The following ZNF778 variants were observed in gnomAD, a reference collection of about 807,000 sequenced individuals.
ZNF778 encodes zinc finger protein 778.
A neutral mutation model predicts 23.9 loss-of-function variants in ZNF778; 37 were observed. That is an observed-to-expected ratio of 1.54 (90% CI 1.19 to 2.03). The LOEUF is 2.03. ZNF778 is among the 30% of genes most tolerant of loss of function. The pLI is 0.00. For missense variants in ZNF778, 1,297 were observed against 934.4 expected, an observed-to-expected ratio of 1.39 and a Z score of -5.06; for synonymous variants, 483 against 343.9, an observed-to-expected ratio of 1.40 and a Z score of -4.48.
chr16:89,225,618 A>G lies in ZNF778; in HGVS notation c.392A>G (p.Asn131Ser), dbSNP rs1477910919. ...RQDRSWFRASNETQTARSHNG... is the reference protein window; with the variant it reads ...RQDRSWFRASSETQTARSHNG... ...GATAGATCTTGGTTCAGAGCATCAA[A>G]TGAGACACAGACGGTAAGATTAACA... The change falls in exon 6 of 7, where the codon AAT (asparagine) becomes AGT (serine). Residue 131 changes from asparagine (N) to serine (S), a missense_variant. Physicochemically the swap from Asn to Ser is conservative, Grantham distance 46. Coordinates refer to ENST00000433976, the MANE Select transcript of ZNF778 (RefSeq NM_001201407.2). The G allele has an allele frequency of 6.2e-7, 1 of 1,612,914 alleles. No homozygotes were observed. Among genetic ancestry groups the G allele is most frequent in the East Asian group, 2.2e-5 (1 of 44,856 alleles).
rs769402717 is a variant in ZNF778, at chr16:89,230,236, G to A, written c.*1674G>A. 2.0e-5 allele frequency: 5 copies of A among 250,266 alleles called. No homozygotes were observed. The highest frequency in any genetic ancestry group is 1.3e-4 in the Admixed American group (2 of 15,432). 15.5% of individuals were successfully genotyped at this position (250,266 alleles called of 1,614,324 possible). On this transcript the variant is annotated 3_prime_UTR_variant, in exon 7 of 7. Coordinates refer to ENST00000433976, the MANE Select transcript of ZNF778 (RefSeq NM_001201407.2). ...AAGGAGGGGCAGAGTGGAGAGGGGC[G>A]AGGTCTGTACCCTGAGATGCCCCCG...
In ZNF778 at chr16:89,236,542, C is replaced by T. The variant is rs1323121216; in HGVS notation, c.*7980C>T. 1.3e-5 allele frequency: 2 copies of T among 152,026 alleles called. No homozygotes were observed. The highest frequency in any genetic ancestry group is 6.5e-5 in the Admixed American group (1 of 15,270). The allele number at this position is 152,026 out of a possible 1,614,324, so 9.4% of individuals were successfully genotyped here. A position where few individuals can be genotyped will look rare whatever the true frequency, so the allele number is the denominator to read the frequency against. On this transcript the variant is annotated 3_prime_UTR_variant, in exon 7 of 7. Coordinates refer to ENST00000433976, the MANE Select transcript of ZNF778 (RefSeq NM_001201407.2). ...AGGAAAAGCAATAGAAGAGTAAATA[C>T]CTGAGTAAATAGATCAGATCATTCT...
intron 4 of ZNF778, 43 bp from the exon 5 acceptor site, chr16:89,224,676 C>G: frequency 7.0e-7 from 1 of 1,434,082 alleles, no homozygotes; most frequent in East Asian, 2.5e-5. Flanking sequence ...TTGTCATCCC[C>G]TGCCTGAGCC....
intron 3 of ZNF778, 82 bp from the exon 4 acceptor site, chr16:89,223,075 G>C: frequency 6.6e-7 from 1 of 1,522,116 alleles, no homozygotes; most frequent in South Asian, 1.3e-5. Flanking sequence ...AGTCCCATAG[G>C]CGTAGGGCCC....
rs1312585238 is a variant in ZNF778, at chr16:89,226,977, G to A, written c.689G>A (p.Cys230Tyr). Residue 230 changes from cysteine (C) to tyrosine (Y), a missense_variant, in exon 7 of 7, where the codon TGT becomes TAT. Physicochemically the swap from Cys to Tyr is radical, Grantham distance 194. Transcript: ENST00000433976. Reference sequence around the variant, plus strand: ...GACAGATCTCTTGACTACAGCAGCTGTGGGGAAGTGTTCCTTAATCAGTCA... The same window carrying A: ...GACAGATCTCTTGACTACAGCAGCTATGGGGAAGTGTTCCTTAATCAGTCA... ...TRDRSLDYSS[C>Y]GEVFLNQSYL... 3 of 1,613,936 alleles carry A rather than the reference G, an allele frequency of 1.9e-6. No individual in the cohort carries two copies. The highest frequency in any genetic ancestry group is 1.6e-4 in the Middle Eastern group (1 of 6,084).
At position 89,225,823 on chromosome 16, in the gene ZNF778, A is replaced by G. The variant is rs143799120; in HGVS notation, c.405+192A>G. On this transcript the variant is annotated intron_variant, in intron 6 of 6. Coordinates refer to ENST00000433976, the MANE Select transcript of ZNF778 (RefSeq NM_001201407.2). The stretch of plus-strand genomic sequence containing the variant: ...CCTGTCTTGAAACTTGGTGCTTCAG[A>G]CACACATCAGCGCACACATGACGAG... Among the ~76,000 whole-genome samples, 174 of 152,310 alleles carry G rather than the reference A, an allele frequency of 1.1e-3. 1 individual carries two copies. The highest frequency in any genetic ancestry group is 4.0e-3 in the African/African-American group (166 of 41,568).
chr16:89,223,343 G>A (rs1421721106), intron 4 of ZNF778, 60 bp downstream of exon 4: 2 of 1,601,258 alleles, frequency 1.2e-6, no homozygotes, highest in Non-Finnish European at 8.5e-7. Context: ...TGTCCTTACT[G>A]TGTTCCAGGG....
At position 89,226,957 on chromosome 16, in the gene ZNF778, A is replaced by G. The variant is rs2031528072; in HGVS notation, c.669A>G (p.Arg223=). Residue 223 remains arginine, a synonymous_variant, in exon 7 of 7, where the codon AGA becomes AGG. Transcript: ENST00000433976. The part of the protein sequence containing the change: ...VVSQQACTRD[R]SLDYSSCGEV... ...CCCAGCAAGCATGCACTCGGGACAG[A>G]TCTCTTGACTACAGCAGCTGTGGGG... The G allele has an allele frequency of 3.7e-6, 6 of 1,613,868 alleles. No individual in the cohort carries two copies. Among genetic ancestry groups the G allele is most frequent in the Non-Finnish European group, 5.1e-6 (6 of 1,179,910 alleles).
Position 89,222,756 on chromosome 16 carries a change from C to G in ZNF778, c.118-401C>G, listed in dbSNP as rs1037670101. ...ACATGGTAAGGAAGGGGAAGGTATC[C>G]TCTCTGGGAACTTATTTCCACATCA... On this transcript the variant is annotated intron_variant, in intron 3 of 6. Coordinates refer to ENST00000433976, the MANE Select transcript of ZNF778 (RefSeq NM_001201407.2). Among the ~76,000 whole-genome samples, 6 of 152,376 alleles carry G rather than the reference C, an allele frequency of 3.9e-5. No individual in the cohort carries two copies. The South Asian group carries it at 1.2e-3, about 32-fold the overall frequency.
intron 1 of ZNF778, among the ~76,000 whole-genome samples, chr16:89,219,666 CTG>C (rs1467916935): frequency 6.6e-6 from 1 of 152,264 alleles, no homozygotes; most frequent in African/African-American, 2.4e-5. Context: ...ACCATGGACG[CTG>C]TGTCAGTGGG....
At chr16:89,225,693 A>C (rs766475159) in intron 6 of ZNF778, 62 bp downstream of exon 6, 294 of 1,448,426 alleles carry the variant, frequency 2.0e-4, no homozygotes, top group Non-Finnish European at 2.6e-4. Flanking sequence ...GAATTCCACT[A>C]TAGAAAATGA....
rs1353360331 is a variant in ZNF778 at position 89,228,719 on chromosome 16, A to G, written c.*157A>G. On this transcript the variant is annotated 3_prime_UTR_variant, in exon 7 of 7. Transcript: ENST00000433976. ...AGGAACTCACCCTGGAGCCCTATGC[A>G]GCAGACACAGAGAAAGCCCTCAGTG... The G allele has an allele frequency of 7.0e-7, 1 of 1,434,622 alleles. No individual in the cohort carries two copies. The highest frequency in any genetic ancestry group is 1.4e-5 in the African/African-American group (1 of 69,688). 88.9% of individuals were successfully genotyped at this position (1,434,622 alleles called of 1,614,324 possible).
In ZNF778 at chr16:89,222,128, A is replaced by G; in HGVS notation, c.62A>G (p.Glu21Gly). Residue 21 changes from glutamate (E) to glycine (G), a missense_variant, in exon 3 of 7, where the codon GAA becomes GGA. Glu to Gly is a moderately conservative substitution (Grantham distance 98). Transcript: ENST00000433976. Reference sequence around the variant, plus strand: ...TCTAGGGACTCAGTCTGCCTTCATGAAGAACAGACACAGGCAGCAGGGATG... The same window carrying G: ...TCTAGGGACTCAGTCTGCCTTCATGGAGAACAGACACAGGCAGCAGGGATG... ...HVSRDSVCLH[E>G]EQTQAAGMVA... The G allele has an allele frequency of 1.2e-6, 2 of 1,605,946 alleles. No homozygotes were observed. The highest frequency in any genetic ancestry group is 1.7e-6 in the Non-Finnish European group (2 of 1,174,898).
rs1389459003 is a variant in ZNF778, at chr16:89,230,724, G to A, written c.*2162G>A. 1 of 152,284 alleles carries A rather than the reference G, an allele frequency of 6.6e-6. No individual in the cohort carries two copies. The highest frequency in any genetic ancestry group is 1.5e-5 in the Non-Finnish European group (1 of 68,108). 9.4% of individuals were successfully genotyped at this position (152,284 alleles called of 1,614,324 possible). Reference sequence around the variant, plus strand: ...GCAGCAATCCTGGGTTATGTTTTTTGTGGCCATCAGGGCAGCAGCTGCTTG... The same window carrying A: ...GCAGCAATCCTGGGTTATGTTTTTTATGGCCATCAGGGCAGCAGCTGCTTG... On this transcript the variant is annotated 3_prime_UTR_variant, in exon 7 of 7. Coordinates refer to ENST00000433976, the MANE Select transcript of ZNF778 (RefSeq NM_001201407.2).
At position 89,226,796 on chromosome 16, in the gene ZNF778, G is replaced by C. The variant is rs769392753; in HGVS notation, c.508G>C (p.Gly170Arg). ...CACACACGTGAGAACTCAAAATACA[G>C]GAGACAGTTGTGTGTCTAATCATTA... is the stretch of plus-strand genomic sequence containing the variant. ...LSTHVRTQNTGDSCVSNHYER... is the reference protein window; with the variant it reads ...LSTHVRTQNTRDSCVSNHYER... Residue 170 changes from glycine to arginine, a missense_variant, in exon 7 of 7, where the codon GGA (glycine) becomes CGA (arginine). By Grantham distance (125) the Gly-to-Arg change is moderately radical (BLOSUM62 -2). Coordinates refer to ENST00000433976, the MANE Select transcript of ZNF778 (RefSeq NM_001201407.2). 6.2e-7 allele frequency: 1 copy of C among 1,614,018 alleles called. No homozygotes were observed. The highest frequency in any genetic ancestry group is 8.5e-7 in the Non-Finnish European group (1 of 1,179,902).
In ZNF778 at chr16:89,232,814, C is replaced by G. The variant is rs1463268104; in HGVS notation, c.*4252C>G. ...GCACATCAACTCACTGCATATGCAA[C>G]TCAACTCACACCGTATATGCAACTC... On this transcript the variant is annotated 3_prime_UTR_variant, in exon 7 of 7. Coordinates refer to ENST00000433976, the MANE Select transcript of ZNF778 (RefSeq NM_001201407.2). The G allele has an allele frequency of 7.8e-7, 1 of 1,288,392 alleles. No homozygotes were observed. The highest frequency in any genetic ancestry group is 1.0e-6 in the Non-Finnish European group (1 of 988,676). The allele number at this position is 1,288,392 out of a possible 1,614,324, so 79.8% of individuals were successfully genotyped here. A position where few individuals can be genotyped will look rare whatever the true frequency, so the allele number is the denominator to read the frequency against.
Position 89,227,284 on chromosome 16 carries a change from T to C in ZNF778, c.996T>C (p.Ala332=). Residue 332 remains alanine (A), a synonymous_variant, in exon 7 of 7, where the codon GCT becomes GCC. Transcript: ENST00000433976. ...SSLTQHVRIH[A]AEKPCECKEC... is the part of the protein sequence containing the mutation. Reference sequence around the variant, plus strand: ...TAACTCAACATGTAAGAATTCATGCTGCAGAGAAACCCTGTGAATGTAAAG... The same window carrying C: ...TAACTCAACATGTAAGAATTCATGCCGCAGAGAAACCCTGTGAATGTAAAG... 2 of 1,614,012 alleles carry C rather than the reference T, an allele frequency of 1.2e-6. No individual in the cohort carries two copies. Among genetic ancestry groups the C allele is most frequent in the Middle Eastern group, 1.6e-4 (1 of 6,062 alleles).
At chr16:89,223,111 C>T (rs375693619) in intron 3 of ZNF778, 46 bp from the exon 4 acceptor site, 12 of 1,594,568 alleles carry the variant, frequency 7.5e-6, no homozygotes, top group Middle Eastern at 1.7e-4. Context: ...CAGTGAATAC[C>T]GATGGACACG....
In ZNF778 at chr16:89,234,517, C is replaced by T. The variant is rs1335584767; in HGVS notation, c.*5955C>T. On this transcript the variant is annotated 3_prime_UTR_variant, in exon 7 of 7. Coordinates refer to ENST00000433976, the MANE Select transcript of ZNF778 (RefSeq NM_001201407.2). ...TTTCCTGGTTTGTTTGATCTTTGTT[C>T]TTTTTTAGAAATAGTGAGGCTGTTG... 1.1e-5 allele frequency: 2 copies of T among 176,394 alleles called. No individual in the cohort carries two copies. Among genetic ancestry groups the T allele is most frequent in the Non-Finnish European group, 2.4e-5 (2 of 82,032 alleles). The allele number at this position is 176,394 out of a possible 1,614,324, so 10.9% of individuals were successfully genotyped here. A position where few individuals can be genotyped will look rare whatever the true frequency, so the allele number is the denominator to read the frequency against.
Sources: gnomAD v4.1 joint callset for allele counts (sites outside exome capture counted in the v4.1 genomes callset) on GRCh38, gnomAD v4.1.1 for gene constraint, MANE v1.5 for transcripts, NCBI Gene and HGNC (gene_info 2026-07-23, HGNC 2026-07-21) for gene names.